COL18A1: variants seen among roughly 807,000 people sequenced by gnomAD.
COL18A1 encodes the protein collagen type XVIII alpha 1 chain.
In COL18A1, 133 loss-of-function variants were observed where a neutral mutation model predicts 168.0. That is an observed-to-expected ratio of 0.79 (90% CI 0.69 to 0.91). COL18A1 has a LOEUF of 0.91. Among genes scored for constraint, COL18A1 ranks in the 40% least tolerant of loss-of-function variants. The probability of loss-of-function intolerance (pLI) is 0.00; values close to 1 mark genes in which losing one functional copy is unlikely to be tolerated. For missense variants in COL18A1, 2,126 were observed against 1,925.4 expected, an observed-to-expected ratio of 1.10 and a Z score of -1.95; for synonymous variants, 949 against 809.0, an observed-to-expected ratio of 1.17 and a Z score of -2.94.
chr21:45,418,713 C>G, intron 2 of COL18A1, among the ~76,000 whole-genome samples: 1 of 150,068 alleles, frequency 6.7e-6, no homozygotes, highest in Non-Finnish European at 1.5e-5. Flanking sequence ...CTCCCAGCCA[C>G]CTCACGTCAC....
intron 5 of COL18A1, among the ~76,000 whole-genome samples, chr21:45,476,062 C>T (rs1260005894): frequency 6.6e-6 from 1 of 152,208 alleles, no homozygotes; most frequent in Admixed American, 6.5e-5. Context: ...CGGGGACCCT[C>T]TGCAGATTCA....
chr21:45,506,019 C>T lies in COL18A1; in HGVS notation c.3216+53C>T, dbSNP rs933509809. The stretch of plus-strand genomic sequence containing the variant: ...ACCCGTGGAAGGGCCGAAGCCGCCT[C>T]CTGGGGCTTAAGGAAGGCGAGAGGC... On this transcript the variant is annotated intron_variant, in intron 37 of 41. Transcript: ENST00000651438. 1.1e-5 allele frequency: 17 copies of T among 1,611,646 alleles called. No homozygotes were observed. The South Asian group carries it at 1.9e-4, about 18-fold the overall frequency.
At chr21:45,465,406 G>T (rs573649192) in intron 2 of COL18A1, among the ~76,000 whole-genome samples, 1 of 152,278 alleles carries the variant, frequency 6.6e-6, no homozygotes, top group African/African-American at 2.4e-5. Flanking sequence ...GCAGCCTTGG[G>T]ATTTGGTGGA....
intron 2 of COL18A1, 102 bp downstream of exon 2, chr21:45,405,575 C>A: frequency 1.4e-6 from 1 of 697,864 alleles, no homozygotes; most frequent in Non-Finnish European, 1.9e-6. Context: ...CCCGGCCGCT[C>A]TGGGTTCAGC....
chr21:45,487,550 G>A (rs1212547624), intron 17 of COL18A1, 41 bp downstream of exon 17: 2 of 1,609,392 alleles, frequency 1.2e-6, no homozygotes, highest in Non-Finnish European at 8.5e-7. Context: ...TGAGGGGTAA[G>A]GGGGTGTTGC....
intron 6 of COL18A1, 105 bp downstream of exon 6, chr21:45,476,585 AGT>A (rs767973760): frequency 4.7e-4 from 646 of 1,378,368 alleles, no homozygotes; most frequent in Middle Eastern, 1.8e-3. Flanking sequence ...TGGTGTGTGT[AGT>A]GTGTGGTGTA....
rs545623211 is a variant in COL18A1 at position 45,462,854 on chromosome 21, A to G, written c.107-5388A>G. ...AAAAAGTGAACATTTGAACTCAGTA[A>G]TGTGGCTCTTGAATTTTGCCCTTCA... On this transcript the variant is annotated intron_variant, in intron 2 of 41. Coordinates refer to ENST00000651438, the MANE Select transcript of COL18A1 (RefSeq NM_001379500.1). 7.2e-5 allele frequency among the ~76,000 whole-genome samples: 11 copies of G among 151,782 alleles called. No individual in the cohort carries two copies. In the East Asian group the frequency reaches 1.7e-3, roughly 24 times the overall value.
At chr21:45,490,557 TCTCCGTGTGCCCTCTCAGGTCCCTGGGC>T (rs1425410303) in intron 20 of COL18A1, among the ~76,000 whole-genome samples, 1,167 of 97,518 alleles carry the variant, frequency 0.012, 23 homozygotes, top group African/African-American at 0.022. Context: ...CCCTCCTGGG[TCTCCGTGTGCCCTCTCAGGTCCCTGGGC>T]CTCCGTGTGC....
chr21:45,434,759 C>T (rs1205993563), intron 2 of COL18A1, among the ~76,000 whole-genome samples: 1 of 152,020 alleles, frequency 6.6e-6, no homozygotes, highest in Non-Finnish European at 1.5e-5. Context: ...GGGGGCTCCC[C>T]CACGTCTTGG....
chr21:45,405,468 A>G lies in COL18A1; in HGVS notation c.101A>G (p.Glu34Gly), dbSNP rs1437137396. The change falls in exon 2 of 42, where the codon GAG becomes GGG. Residue 34 changes from glutamate to glycine, a missense_variant. Transcript: ENST00000651438. ...LLLGVRAASA[E>G]PERISEEVGL... is the part of the protein sequence containing the mutation. ...CTCGGGGTCCGCGCGGCCTCCGCGGAGCCAGGTAAGACCCGGGCGGGACGG... is the reference window on the plus strand; with the variant it reads ...CTCGGGGTCCGCGCGGCCTCCGCGGGGCCAGGTAAGACCCGGGCGGGACGG... 1 of 1,374,574 alleles carries G rather than the reference A, an allele frequency of 7.3e-7. No homozygotes were observed. Among genetic ancestry groups the G allele is most frequent in the South Asian group, 1.5e-5 (1 of 67,006 alleles). 85.1% of individuals were successfully genotyped at this position (1,374,574 alleles called of 1,614,324 possible). A position where few individuals can be genotyped will look rare whatever the true frequency, so the allele number is the denominator to read the frequency against.
intron 2 of COL18A1, among the ~76,000 whole-genome samples, chr21:45,448,729 C>T (rs750670280): frequency 1.2e-4 from 19 of 152,274 alleles, no homozygotes; most frequent in Non-Finnish European, 2.5e-4. Flanking sequence ...AACAGGTCGT[C>T]TTCAGATGCG....
rs985944265 is a variant in COL18A1 at position 45,512,761 on chromosome 21, T to G, written c.*363T>G. 6 of 368,984 alleles carry G rather than the reference T, an allele frequency of 1.6e-5. No individual in the cohort carries two copies. The highest frequency in any genetic ancestry group is 1.2e-4 in the Admixed American group (3 of 24,284). 22.9% of individuals were successfully genotyped at this position (368,984 alleles called of 1,614,324 possible). On this transcript the variant is annotated 3_prime_UTR_variant, in exon 42 of 42. Coordinates refer to ENST00000651438, the MANE Select transcript of COL18A1 (RefSeq NM_001379500.1). ...AAGCCGTGCTCGCCCCAGCAGGTGC[T>G]GACTTCATCTCCCACCTAGCAGCAC...
chr21:45,497,402 C>T (rs1308779751), intron 31 of COL18A1, among the ~76,000 whole-genome samples, 197 bp from the exon 32 acceptor site: 4 of 152,248 alleles, frequency 2.6e-5, no homozygotes, highest in African/African-American at 7.2e-5. Flanking sequence ...CAGGTGTGGC[C>T]TGGCCCCCAC....
At chr21:45,459,263 G>C (rs1209679021) in intron 2 of COL18A1, among the ~76,000 whole-genome samples, 1 of 152,206 alleles carries the variant, frequency 6.6e-6, no homozygotes, top group Admixed American at 6.5e-5. Flanking sequence ...TGTTGGGCTG[G>C]ACACTCCCAG....
intron 2 of COL18A1, chr21:45,456,004 C>T: frequency 2.5e-6 from 4 of 1,612,862 alleles, no homozygotes; most frequent in Non-Finnish European, 3.4e-6. Context: ...CTGGGCCTTC[C>T]AGCACCCCCC....
chr21:45,446,324 A>G (rs370089715), intron 2 of COL18A1, among the ~76,000 whole-genome samples: 2 of 152,364 alleles, frequency 1.3e-5, no homozygotes, highest in South Asian at 2.1e-4. Flanking sequence ...TCCTGTTACC[A>G]TCGCATTGTA....
intron 15 of COL18A1, among the ~76,000 whole-genome samples, chr21:45,485,948 CCGTCTACAG>C (rs1287346084): frequency 1.3e-5 from 2 of 152,230 alleles, no homozygotes; most frequent in African/African-American, 4.8e-5. Flanking sequence ...CTGGGCCTCT[CCGTCTACAG>C]CCACGGAAAC....
chr21:45,504,388 C>G, intron 33 of COL18A1, 28 bp from the exon 34 acceptor site: 1 of 1,606,154 alleles, frequency 6.2e-7, no homozygotes, highest in Non-Finnish European at 8.5e-7. Context: ...GTTCAGGGCT[C>G]CCGTGTAACA....
At chr21:45,440,963 G>A (rs989538236) in intron 2 of COL18A1, among the ~76,000 whole-genome samples, 1 of 152,194 alleles carries the variant, frequency 6.6e-6, no homozygotes, top group Non-Finnish European at 1.5e-5. Flanking sequence ...ACCACGGGAC[G>A]CTCACTCATA....
Sources: allele counts gnomAD v4.1 joint callset (sites outside exome capture counted in the v4.1 genomes callset), GRCh38; gene constraint gnomAD v4.1.1; transcripts MANE v1.5; gene names NCBI Gene and HGNC (gene_info 2026-07-23, HGNC 2026-07-21).